The following GREM2 variants were observed in gnomAD, a reference collection of about 807,000 sequenced individuals.
The protein encoded by GREM2 is gremlin-2.
A neutral mutation model predicts 14.2 loss-of-function variants in GREM2; 11 were observed. The ratio of observed to expected loss-of-function variants is 0.78; its 90% CI spans 0.49 to 1.28. GREM2 has a LOEUF of 1.28. Among genes scored for constraint, GREM2 ranks in the 50% most tolerant of loss-of-function variants. The pLI is 0.00. For synonymous variants in GREM2, 98 were observed against 97.6 expected (o/e 1.00, Z -0.02); for missense variants, 210 against 218.5 (o/e 0.96, Z 0.24).
intron 1 of GREM2, among the ~76,000 whole-genome samples, chr1:240,506,244 A>G (rs1677674157): frequency 6.6e-6 from 1 of 152,220 alleles, no homozygotes; most frequent in Non-Finnish European, 1.5e-5. Context: ...TTATAAAGAA[A>G]GACCTCAGGC....
intron 1 of GREM2, among the ~76,000 whole-genome samples, chr1:240,595,444 C>A (rs1419640729): frequency 1.3e-5 from 2 of 152,202 alleles, no homozygotes; most frequent in East Asian, 1.9e-4. Context: ...CTTTCCTGCA[C>A]CCCCTCCTCC....
chr1:240,562,770 TGTGTGTATGA>T (rs1201300809), intron 1 of GREM2, among the ~76,000 whole-genome samples: 3 of 151,562 alleles, frequency 2.0e-5, no homozygotes, highest in Admixed American at 6.6e-5. Flanking sequence ...TATGTATATG[TGTGTGTATGA>T]GTGTGTATGT....
chr1:240,510,124 C>T (rs1034512637), intron 1 of GREM2, among the ~76,000 whole-genome samples: 26 of 152,092 alleles, frequency 1.7e-4, no homozygotes, highest in Non-Finnish European at 3.2e-4. Context: ...AATCCCAGCA[C>T]TTTGGGAGGC....
chr1:240,548,582 A>G (rs1237705959), intron 1 of GREM2, among the ~76,000 whole-genome samples: 2 of 152,030 alleles, frequency 1.3e-5, no homozygotes, highest in Non-Finnish European at 2.9e-5. Context: ...GGCTAAAAAT[A>G]TATGAGTCCA....
At position 240,490,465 on chromosome 1, in the gene GREM2, A is replaced by G. The variant is rs190675048; in HGVS notation, c.*2504T>C. On this transcript the variant is annotated 3_prime_UTR_variant, in exon 2 of 2. Coordinates refer to ENST00000318160, the MANE Select transcript of GREM2 (RefSeq NM_022469.4). ...CTCACTGCAACAAGTCAAAAATTCC[A>G]CTTTTATGGCACGTCACACCGGGAT... The G allele has an allele frequency of 6.6e-6, 1 of 152,614 alleles. No homozygotes were observed. Among genetic ancestry groups the G allele is most frequent in the Admixed American group, 6.5e-5 (1 of 15,286 alleles). 9.5% of individuals were successfully genotyped at this position (152,614 alleles called of 1,614,324 possible).
intron 1 of GREM2, among the ~76,000 whole-genome samples, chr1:240,567,414 C>CA (rs1217143544): frequency 2.6e-5 from 4 of 151,364 alleles, no homozygotes; most frequent in Non-Finnish European, 5.9e-5. Flanking sequence ...AAATCAGCAA[C>CA]AAAAAATAAA....
intron 1 of GREM2, among the ~76,000 whole-genome samples, chr1:240,585,590 C>T (rs61683194): frequency 0.049 from 7,472 of 151,614 alleles, 600 homozygotes; most frequent in African/African-American, 0.17. Flanking sequence ...ATTAGCCAGG[C>T]GTGGTGGCGG....
In GREM2 at chr1:240,531,641, G is replaced by GGCGTC. The variant is rs1172763218; in HGVS notation, c.-1-38170_-1-38166dup. ...CCACTGCTCTGCCCATTACCTGCAA[G>GGCGTC]GCGTCTGCCTGCTCCCTGACGTGGA... On this transcript the variant is annotated intron_variant, in intron 1 of 1. Coordinates refer to ENST00000318160, the MANE Select transcript of GREM2 (RefSeq NM_022469.4). 4 of 985,218 alleles carry GGCGTC rather than the reference G, an allele frequency of 4.1e-6. No individual in the cohort carries two copies. In the African/African-American group the frequency reaches 7.0e-5, roughly 17 times the overall value. 61.0% of individuals were successfully genotyped at this position (985,218 alleles called of 1,614,324 possible).
intron 1 of GREM2, among the ~76,000 whole-genome samples, chr1:240,504,371 G>A (rs1057203355): frequency 4.6e-5 from 7 of 152,052 alleles, no homozygotes; most frequent in African/African-American, 1.4e-4. Flanking sequence ...TCTAACCCTC[G>A]GGGGCTACCC....
intron 1 of GREM2, chr1:240,530,326 C>T (rs1678322854): frequency 1.3e-5 from 2 of 152,166 alleles, no homozygotes; most frequent in African/African-American, 4.8e-5. Flanking sequence ...ACTGGACTAG[C>T]ATTACAAGCA....
chr1:240,492,359 A>C lies in GREM2; in HGVS notation c.*610T>G, dbSNP rs1399843523. On this transcript the variant is annotated 3_prime_UTR_variant, in exon 2 of 2. Transcript: ENST00000318160. ...CCCGGGAAGCCCACTTCGGGATCCA[A>C]GTGGCTCAAGTTGTCTTCTTGGTAT... 1 of 295,732 alleles carries C rather than the reference A, an allele frequency of 3.4e-6. No individual in the cohort carries two copies. Among genetic ancestry groups the C allele is most frequent in the Non-Finnish European group, 7.1e-6 (1 of 141,244 alleles). 18.3% of individuals were successfully genotyped at this position (295,732 alleles called of 1,614,324 possible). A position where few individuals can be genotyped will look rare whatever the true frequency, so the allele number is the denominator to read the frequency against.
At chr1:240,599,874 C>T (rs1455496720) in intron 1 of GREM2, among the ~76,000 whole-genome samples, 3 of 152,240 alleles carry the variant, frequency 2.0e-5, no homozygotes, top group South Asian at 4.1e-4. Flanking sequence ...TAATTTAGTA[C>T]CACAGTGAGC....
At chr1:240,595,149 G>T (rs1360641615) in intron 1 of GREM2, among the ~76,000 whole-genome samples, 1 of 152,186 alleles carries the variant, frequency 6.6e-6, no homozygotes, top group Non-Finnish European at 1.5e-5. Flanking sequence ...ACTTCGGGAG[G>T]CCGAGGAGGG....
chr1:240,607,530 T>C (rs948062289), intron 1 of GREM2, among the ~76,000 whole-genome samples: 59 of 152,192 alleles, frequency 3.9e-4, no homozygotes, highest in African/African-American at 1.4e-3. Context: ...TGAAGACACA[T>C]ATTTCTGCAT....
intron 1 of GREM2, among the ~76,000 whole-genome samples, chr1:240,584,037 C>T (rs1019086243): frequency 3.3e-5 from 5 of 152,136 alleles, no homozygotes; most frequent in Non-Finnish European, 5.9e-5. Flanking sequence ...TTTATCTTTA[C>T]AGTTGGGCCT....
intron 1 of GREM2, among the ~76,000 whole-genome samples, chr1:240,532,498 T>A (rs1678383382): frequency 6.6e-6 from 1 of 152,216 alleles, no homozygotes; most frequent in Admixed American, 6.5e-5. Flanking sequence ...ACTCTTGCAA[T>A]CATTTCTAAC....
chr1:240,595,747 T>C (rs1162982550), intron 1 of GREM2, among the ~76,000 whole-genome samples: 1 of 152,084 alleles, frequency 6.6e-6, no homozygotes, highest in Non-Finnish European at 1.5e-5. Flanking sequence ...GGACTTTCAT[T>C]TGTATGAAAA....
intron 1 of GREM2, among the ~76,000 whole-genome samples, chr1:240,606,109 T>C (rs1301462952): frequency 6.6e-6 from 1 of 152,180 alleles, no homozygotes; most frequent in East Asian, 1.9e-4. Context: ...GAAGACTGTG[T>C]CTTTCAGCAG....
chr1:240,499,203 T>C (rs1016966904), intron 1 of GREM2, among the ~76,000 whole-genome samples: 1 of 152,182 alleles, frequency 6.6e-6, no homozygotes, highest in African/African-American at 2.4e-5. Context: ...GAGTCATCCT[T>C]CCTGACAGGC....
Sources: gnomAD v4.1 joint callset for allele counts (sites outside exome capture counted in the v4.1 genomes callset) on GRCh38, gnomAD v4.1.1 for gene constraint, MANE v1.5 for transcripts, NCBI Gene and HGNC (gene_info 2026-07-23, HGNC 2026-07-21) for gene names.